Variants in CYP4B1 observed in about 807,000 individuals in gnomAD.
CYP4B1 encodes cytochrome P450 family 4 subfamily B member 1, also known as cytochrome P450 4B1.
CYP4B1 carries 45 observed loss-of-function variants against 54.0 expected under a neutral mutation model. That is an observed-to-expected ratio of 0.83 (90% CI 0.66 to 1.07). The LOEUF is 1.07. CYP4B1 is among the 50% of genes least tolerant of loss of function. The pLI, the probability that CYP4B1 is intolerant of heterozygous loss-of-function variation, is 0.00. For synonymous variants in CYP4B1, 248 were observed against 247.5 expected, an observed-to-expected ratio of 1.00 and a Z score of -0.02; for missense variants, 656 against 655.4, an observed-to-expected ratio of 1.00 and a Z score of -0.01.
At position 46,812,492 on chromosome 1, in the gene CYP4B1, C is replaced by T; in HGVS notation, c.368-4C>T. 1 of 1,611,446 alleles carries T rather than the reference C, an allele frequency of 6.2e-7. No homozygotes were observed. The highest frequency in any genetic ancestry group is 8.5e-7 in the Non-Finnish European group (1 of 1,178,700). ...CAGCCCTCTCTCTCCCATCCCTTCC[C>T]CAGGGAGAGGCCTGCTGGTTCTTGA... On this transcript the variant is annotated splice_region_variant and splice_polypyrimidine_tract_variant and intron_variant, in intron 3 of 11. Coordinates refer to ENST00000371923, the MANE Select transcript of CYP4B1 (RefSeq NM_001099772.2).
Position 46,813,648 on chromosome 1 carries a change from C to A in CYP4B1, c.620+42C>A, listed in dbSNP as rs374873841. 6.2e-6 allele frequency: 10 copies of A among 1,610,950 alleles called. No homozygotes were observed. In the East Asian group the frequency reaches 2.2e-4, roughly 36 times the overall value. Reference sequence around the variant, plus strand: ...GGGCTGACCGCACTGTCTCCAAAGCCATCTTAGAGGGGAGAGTTGGCAGGG... The same window carrying A: ...GGGCTGACCGCACTGTCTCCAAAGCAATCTTAGAGGGGAGAGTTGGCAGGG... On this transcript the variant is annotated intron_variant, in intron 5 of 11. Transcript: ENST00000371923.
rs3215983 is a variant in CYP4B1, at chr1:46,815,074, GAT to G, written c.884_885del (p.Asp295GlyfsTer3). The G allele has an allele frequency of 0.14, 223,440 of 1,612,232 alleles. 16,629 individuals carry two copies. Among genetic ancestry groups the G allele is most frequent in the East Asian group, 0.27 (12,156 of 44,834 alleles). ...TCCTATTATGCCTTCCCTAACCCAGGATGAAGATGACATCAAACTGTCAGATG... is the reference window on the plus strand; with the variant it reads ...TCCTATTATGCCTTCCCTAACCCAGGGAAGATGACATCAAACTGTCAGATG... ...DFLDILLGAR[D>X]EDDIKLSDAD... is the part of the protein sequence containing the mutation. On this transcript the variant is annotated frameshift_variant and splice_region_variant, in exon 8 of 12. Transcript: ENST00000371923. LOFTEE classifies it high-confidence loss of function.
chr1:46,808,129 AAG>A (rs140666775), intron 1 of CYP4B1, among the ~76,000 whole-genome samples: 76 of 148,262 alleles, frequency 5.1e-4, no homozygotes, highest in Non-Finnish European at 4.5e-4. Flanking sequence ...GGAAAGGAGA[AAG>A]AGAGAGAGAG....
In CYP4B1 at chr1:46,818,192, T is replaced by C; in HGVS notation, c.1334T>C (p.Met445Thr). ...NASKRHPFAF[M>T]PFSAGPRNCI... ...TCCAAACGCCATCCCTTTGCCTTTA[T>C]GCCCTTCTCTGCTGGGCCCAGGTAT... The change falls in exon 11 of 12, where the codon ATG becomes ACG. Residue 445 changes from methionine (M) to threonine (T), a missense_variant. Coordinates refer to ENST00000371923, the MANE Select transcript of CYP4B1 (RefSeq NM_001099772.2). 6.2e-7 allele frequency: 1 copy of C among 1,614,142 alleles called. No individual in the cohort carries two copies. Among genetic ancestry groups the C allele is most frequent in the Non-Finnish European group, 8.5e-7 (1 of 1,179,996 alleles).
At position 46,817,152 on chromosome 1, in the gene CYP4B1, C is replaced by T. The variant is rs749499440; in HGVS notation, c.1178C>T (p.Thr393Ile). The T allele has an allele frequency of 6.2e-7, 1 of 1,614,210 alleles. No homozygotes were observed. Among genetic ancestry groups the T allele is most frequent in the Admixed American group, 1.7e-5 (1 of 60,034 alleles). Residue 393 changes from threonine to isoleucine, a missense_variant, in exon 9 of 12, where the codon ACC becomes ATC. Coordinates refer to ENST00000371923, the MANE Select transcript of CYP4B1 (RefSeq NM_001099772.2). ...QVYRQLSKPV[T>I]FVDGRSLPAG... ...TACCGCCAGCTCAGCAAGCCTGTCA[C>T]CTTTGTGGATGGCCGGTCTCTACCT... is the stretch of plus-strand genomic sequence containing the variant.
chr1:46,815,275 G>A lies in CYP4B1; in HGVS notation c.1073+11G>A. On this transcript the variant is annotated intron_variant, in intron 8 of 11. Transcript: ENST00000371923. Reference sequence around the variant, plus strand: ...GGACTTCTTCCAGTGGTGAGTCTGAGGGTGGGCCCGGTTTATCCTGCTCAG... The same window carrying A: ...GGACTTCTTCCAGTGGTGAGTCTGAAGGTGGGCCCGGTTTATCCTGCTCAG... 6.5e-7 allele frequency: 1 copy of A among 1,543,232 alleles called. No homozygotes were observed. Among genetic ancestry groups the A allele is most frequent in the Non-Finnish European group, 8.7e-7 (1 of 1,143,870 alleles).
At chr1:46,806,679 T>A (rs1326013220) in intron 1 of CYP4B1, 44 of 152,242 alleles carry the variant, frequency 2.9e-4, no homozygotes, top group Non-Finnish European at 1.5e-5. Flanking sequence ...TGCTTGCTCT[T>A]CCCAATCCCT....
rs1679411681 is a variant in CYP4B1, at chr1:46,818,121, G to A, written c.1273-10G>A. On this transcript the variant is annotated splice_polypyrimidine_tract_variant and intron_variant, in intron 10 of 11. Coordinates refer to ENST00000371923, the MANE Select transcript of CYP4B1 (RefSeq NM_001099772.2). ...CCTGGCGAGTGTTTAAGCAAGGCCT[G>A]TCCCTTCAGGTCTTTGACTCTCTGC... 6.2e-7 allele frequency: 1 copy of A among 1,614,044 alleles called. No individual in the cohort carries two copies. Among genetic ancestry groups the A allele is most frequent in the Non-Finnish European group, 8.5e-7 (1 of 1,179,998 alleles).
chr1:46,818,976 A>C lies in CYP4B1; in HGVS notation c.*162A>C. The C allele has an allele frequency of 1.7e-6, 1 of 585,472 alleles. No individual in the cohort carries two copies. The highest frequency in any genetic ancestry group is 3.0e-6 in the Non-Finnish European group (1 of 333,046). 36.3% of individuals were successfully genotyped at this position (585,472 alleles called of 1,614,324 possible). On this transcript the variant is annotated 3_prime_UTR_variant, in exon 12 of 12. Coordinates refer to ENST00000371923, the MANE Select transcript of CYP4B1 (RefSeq NM_001099772.2). ...TAGACGACTCCTAGAGGACAGTGCT[A>C]TGTAAAAATGTGTGTCTATAAATGT...
chr1:46,811,046 T>C, intron 2 of CYP4B1, 94 bp from the exon 3 acceptor site: 1 of 1,602,134 alleles, frequency 6.2e-7, no homozygotes, highest in Non-Finnish European at 8.6e-7. Flanking sequence ...GCCTGTGTAC[T>C]AAGTCTGCGG....
intron 1 of CYP4B1, 22 bp downstream of exon 1, chr1:46,799,283 G>C: frequency 6.4e-7 from 1 of 1,559,166 alleles, no homozygotes; most frequent in South Asian, 1.2e-5. Context: ...TCGGGAGGGT[G>C]GGGGAGAAAG....
intron 1 of CYP4B1, among the ~76,000 whole-genome samples, chr1:46,799,644 T>C (rs1678531722): frequency 6.6e-6 from 1 of 152,168 alleles, no homozygotes; most frequent in South Asian, 2.1e-4. Flanking sequence ...AGCGTCCGTG[T>C]TGTTGTGTGT....
At chr1:46,812,887 C>G in intron 4 of CYP4B1, among the ~76,000 whole-genome samples, 1 of 152,184 alleles carries the variant, frequency 6.6e-6, no homozygotes, top group East Asian at 1.9e-4. Flanking sequence ...CTCTTTCCTC[C>G]CAGGCCAAAG....
chr1:46,818,499 C>G, intron 11 of CYP4B1, 132 bp from the exon 12 acceptor site: 1 of 970,332 alleles, frequency 1.0e-6, no homozygotes, highest in African/African-American at 1.6e-5. Context: ...TTTCATAAGC[C>G]CAGGTCAACC....
At chr1:46,802,678 G>A (rs1383318927) in intron 1 of CYP4B1, among the ~76,000 whole-genome samples, 1 of 152,202 alleles carries the variant, frequency 6.6e-6, no homozygotes, top group Non-Finnish European at 1.5e-5. Context: ...ACAACTCTGG[G>A]TCTGGTCCTA....
Position 46,814,033 on chromosome 1 carries a change from C to A in CYP4B1, c.745C>A (p.Arg249=), listed in dbSNP as rs770487913. 3 of 1,614,114 alleles carry A rather than the reference C, an allele frequency of 1.9e-6. No homozygotes were observed. The highest frequency in any genetic ancestry group is 1.7e-6 in the Non-Finnish European group (2 of 1,180,008). The change falls in exon 6 of 12, where the codon CGG becomes AGG. Residue 249 remains arginine, a synonymous_variant. Transcript: ENST00000371923. ...WLTPHGRRFL[R]ACQVAHDHTD... ...CACCCCACATGGCCGCCGCTTCCTG[C>A]GGGCCTGCCAGGTGGCCCATGACCA... is the stretch of plus-strand genomic sequence containing the variant.
At chr1:46,809,995 C>T (rs1679031139) in intron 1 of CYP4B1, among the ~76,000 whole-genome samples, 1 of 152,200 alleles carries the variant, frequency 6.6e-6, no homozygotes, top group Non-Finnish European at 1.5e-5. Context: ...TCTGGATGAC[C>T]TATTCAAGCT....
At chr1:46,804,097 C>T (rs1396618784) in intron 1 of CYP4B1, among the ~76,000 whole-genome samples, 1 of 152,074 alleles carries the variant, frequency 6.6e-6, no homozygotes, top group Admixed American at 6.5e-5. Flanking sequence ...ACCACAGAAG[C>T]AGGTGAGAGC....
rs2148412232 is a variant in CYP4B1, at chr1:46,817,103, C to T, written c.1129C>T (p.Leu377Phe). Residue 377 changes from leucine (L) to phenylalanine (F), a missense_variant, in exon 9 of 12, where the codon CTC becomes TTC. Coordinates refer to ENST00000371923, the MANE Select transcript of CYP4B1 (RefSeq NM_001099772.2). ...CATGTGCATCAAGGAGAGCTTCCGCCTCTACCCACCTGTGCCCCAGGTGTA... is the reference window on the plus strand; with the variant it reads ...CATGTGCATCAAGGAGAGCTTCCGCTTCTACCCACCTGTGCCCCAGGTGTA... ...LTMCIKESFR[L>F]YPPVPQVYRQ... 1 of 1,614,194 alleles carries T rather than the reference C, an allele frequency of 6.2e-7. No homozygotes were observed. The highest frequency in any genetic ancestry group is 8.5e-7 in the Non-Finnish European group (1 of 1,180,032).
Sources: gnomAD v4.1 joint callset for allele counts (sites outside exome capture counted in the v4.1 genomes callset) on GRCh38, gnomAD v4.1.1 for gene constraint, MANE v1.5 for transcripts, NCBI Gene and HGNC (gene_info 2026-07-23, HGNC 2026-07-21) for gene names.